The following NUBP1 variants were observed in gnomAD, a reference collection of about 807,000 sequenced individuals.
NUBP1 encodes the protein NUBP iron-sulfur cluster assembly factor 1, cytosolic.
In NUBP1, 46 loss-of-function variants were observed where a neutral mutation model predicts 41.8. The observed-to-expected ratio is 1.10, with a 90% CI of 0.87 to 1.41. The LOEUF (loss-of-function observed/expected upper bound fraction) is 1.41. Among genes scored for constraint, NUBP1 ranks in the 40% most tolerant of loss-of-function variants. NUBP1 has a pLI of 0.00. For missense variants in NUBP1, 494 were observed against 414.0 expected (o/e 1.19, Z -1.68); for synonymous variants, 189 against 154.6 (o/e 1.22, Z -1.65).
intron 3 of NUBP1, among the ~76,000 whole-genome samples, chr16:10,750,893 A>G (rs1900286821): frequency 6.6e-6 from 1 of 152,170 alleles, no homozygotes; most frequent in South Asian, 2.1e-4. Context: ...GCCTCTTCCC[A>G]TCAGCTGCAA....
chr16:10,748,362 C>T (rs1195429002), intron 3 of NUBP1, among the ~76,000 whole-genome samples: 1 of 152,118 alleles, frequency 6.6e-6, no homozygotes, highest in Non-Finnish European at 1.5e-5. Context: ...TTTTTGCTGG[C>T]CCTTACACGA....
At chr16:10,756,206 C>T (rs1022889438) in intron 5 of NUBP1, among the ~76,000 whole-genome samples, 1 of 152,074 alleles carries the variant, frequency 6.6e-6, no homozygotes, top group Admixed American at 6.6e-5. Flanking sequence ...TGGCGAAATC[C>T]CATCTCTACT....
Position 10,766,926 on chromosome 16 carries a change from C to G in NUBP1, c.821-1023C>G, listed in dbSNP as rs1596480260. The G allele has an allele frequency of 2.5e-6, 1 of 398,704 alleles. No individual in the cohort carries two copies. Among genetic ancestry groups the G allele is most frequent in the East Asian group, 3.6e-5 (1 of 28,082 alleles). The allele number at this position is 398,704 out of a possible 1,614,324, so 24.7% of individuals were successfully genotyped here. A position where few individuals can be genotyped will look rare whatever the true frequency, so the allele number is the denominator to read the frequency against. ...CGAATTGGCCTTATGTTCCCTGCCTCTGGACCCTATTTTCCTGACTCACTG... is the reference window on the plus strand; with the variant it reads ...CGAATTGGCCTTATGTTCCCTGCCTGTGGACCCTATTTTCCTGACTCACTG... On this transcript the variant is annotated intron_variant, in intron 9 of 10. Coordinates refer to ENST00000283027, the MANE Select transcript of NUBP1 (RefSeq NM_002484.4). This position sits in a 1 kb window ranked among gnomAD's most constrained non-coding sequence, Gnocchi z 4.8.
Position 10,766,964 on chromosome 16 carries a change from T to TC in NUBP1, c.821-981dup. 2 of 398,646 alleles carry TC rather than the reference T, an allele frequency of 5.0e-6. No homozygotes were observed. Among genetic ancestry groups the TC allele is most frequent in the Non-Finnish European group, 8.8e-6 (2 of 226,110 alleles). The allele number at this position is 398,646 out of a possible 1,614,324, so 24.7% of individuals were successfully genotyped here. A position where few individuals can be genotyped will look rare whatever the true frequency, so the allele number is the denominator to read the frequency against. On this transcript the variant is annotated intron_variant, in intron 9 of 10. Coordinates refer to ENST00000283027, the MANE Select transcript of NUBP1 (RefSeq NM_002484.4). The surrounding 1 kb of genome is among the most constrained non-coding windows in gnomAD (Gnocchi z 4.8). Reference sequence around the variant, plus strand: ...TCCTGACTCACTGGGCCATATGGGCTCCCCATCTCCCACCAACCCCTCCCC... The same window carrying TC: ...TCCTGACTCACTGGGCCATATGGGCTCCCCCATCTCCCACCAACCCCTCCCC...
chr16:10,762,505 A>G (rs1352897105), intron 9 of NUBP1, among the ~76,000 whole-genome samples: 1 of 152,116 alleles, frequency 6.6e-6, no homozygotes, highest in African/African-American at 2.4e-5. Flanking sequence ...CAGGGCCTAC[A>G]CTCGAAGCTG....
chr16:10,761,990 C>T lies in NUBP1; in HGVS notation c.820+131C>T, dbSNP rs2029987598. 5 of 679,918 alleles carry T rather than the reference C, an allele frequency of 7.4e-6. No homozygotes were observed. In the Admixed American group the frequency reaches 1.4e-4, roughly 19 times the overall value. The allele number at this position is 679,918 out of a possible 1,614,324, so 42.1% of individuals were successfully genotyped here. A position where few individuals can be genotyped will look rare whatever the true frequency, so the allele number is the denominator to read the frequency against. On this transcript the variant is annotated intron_variant, in intron 9 of 10. Coordinates refer to ENST00000283027, the MANE Select transcript of NUBP1 (RefSeq NM_002484.4). Reference sequence around the variant, plus strand: ...GGGTCAATGGGGCGCTGGAGCCAGACCCACCCTCCAGCTGGCACCCCAAGA... The same window carrying T: ...GGGTCAATGGGGCGCTGGAGCCAGATCCACCCTCCAGCTGGCACCCCAAGA...
At chr16:10,748,632 C>T (rs1052085331) in intron 3 of NUBP1, among the ~76,000 whole-genome samples, 2 of 152,148 alleles carry the variant, frequency 1.3e-5, no homozygotes, top group Admixed American at 1.3e-4. Context: ...CACAGTAAAG[C>T]ACTTAGCACG....
At chr16:10,750,433 G>A (rs1215722604) in intron 3 of NUBP1, among the ~76,000 whole-genome samples, 1 of 152,024 alleles carries the variant, frequency 6.6e-6, no homozygotes, top group African/African-American at 2.4e-5. Context: ...GTAGAGACAG[G>A]GTTTCACTAT....
Position 10,755,701 on chromosome 16 carries a change from C to G in NUBP1, c.328-20C>G, listed in dbSNP as rs752765216. 6.2e-7 allele frequency: 1 copy of G among 1,612,356 alleles called. No individual in the cohort carries two copies. The highest frequency in any genetic ancestry group is 1.3e-5 in the African/African-American group (1 of 74,894). ...GTACATGATTTCTACTAATGAACAT[C>G]GGTGCTCATGTTCACACAGGTTCAC... On this transcript the variant is annotated intron_variant, in intron 4 of 10. Coordinates refer to ENST00000283027, the MANE Select transcript of NUBP1 (RefSeq NM_002484.4).
chr16:10,747,002 GA>G, intron 2 of NUBP1, 140 bp from the exon 3 acceptor site: 1 of 894,842 alleles, frequency 1.1e-6, no homozygotes, highest in African/African-American at 1.7e-5. Context: ...ACCATTGTCT[GA>G]GAGGTATTTC....
intron 2 of NUBP1, among the ~76,000 whole-genome samples, chr16:10,745,112 C>G (rs1164612182): frequency 6.6e-6 from 1 of 151,620 alleles, no homozygotes; most frequent in Non-Finnish European, 1.5e-5. Flanking sequence ...ATTCTTGGAT[C>G]CATGCGGTGT....
In NUBP1 at chr16:10,747,129, G is replaced by T; in HGVS notation, c.125-14G>T. The T allele has an allele frequency of 1.2e-6, 2 of 1,613,516 alleles. No individual in the cohort carries two copies. The highest frequency in any genetic ancestry group is 1.1e-5 in the South Asian group (1 of 91,040). On this transcript the variant is annotated splice_polypyrimidine_tract_variant and intron_variant, in intron 2 of 10. Transcript: ENST00000283027. ...TGTGGGACCTCATCCCCTGAACTTTGGTTTTCTTTGCAGCTATAGAGGAAA... is the reference window on the plus strand; with the variant it reads ...TGTGGGACCTCATCCCCTGAACTTTTGTTTTCTTTGCAGCTATAGAGGAAA...
chr16:10,761,510 T>G, intron 8 of NUBP1, 36 bp downstream of exon 8: 16 of 1,548,602 alleles, frequency 1.0e-5, no homozygotes, highest in African/African-American at 1.4e-5. Context: ...GAGCAAGATC[T>G]TGCTCTCATG....
chr16:10,766,152 TGCTGAGGATCACAGGAAGG>T lies in NUBP1; in HGVS notation c.821-1792_821-1774del, dbSNP rs1406281470. 1.3e-5 allele frequency: 2 copies of T among 152,398 alleles called. No individual in the cohort carries two copies. Among genetic ancestry groups the T allele is most frequent in the African/African-American group, 4.8e-5 (2 of 41,428 alleles). The allele number at this position is 152,398 out of a possible 1,614,324, so 9.4% of individuals were successfully genotyped here. A position where few individuals can be genotyped will look rare whatever the true frequency, so the allele number is the denominator to read the frequency against. The stretch of plus-strand genomic sequence containing the variant: ...GGTGCTATGGGTCCTGGTCCCGGTG[TGCTGAGGATCACAGGAAGG>T]GCTGGCCTCAGAGCCCTGCTCCGCC... On this transcript the variant is annotated intron_variant, in intron 9 of 10. Transcript: ENST00000283027. This position sits in a 1 kb window ranked among gnomAD's most constrained non-coding sequence, Gnocchi z 4.8.
In NUBP1 at chr16:10,759,187, T is replaced by C. The variant is rs1900772922; in HGVS notation, c.606+1160T>C. ...CGGGCACCAGGGCAGTAAAAAGGCC[T>C]GGCTCTCCCTGGTGGCCCCTGTGGC... is the stretch of plus-strand genomic sequence containing the variant. On this transcript the variant is annotated intron_variant, in intron 7 of 10. Coordinates refer to ENST00000283027, the MANE Select transcript of NUBP1 (RefSeq NM_002484.4). This position sits in a 1 kb window ranked among gnomAD's most constrained non-coding sequence, Gnocchi z 4.7. Among the ~76,000 whole-genome samples the C allele has an allele frequency of 6.6e-6, 1 of 152,204 alleles. No homozygotes were observed. Among genetic ancestry groups the C allele is most frequent in the Non-Finnish European group, 1.5e-5 (1 of 68,026 alleles).
chr16:10,760,977 C>T (rs1171274838), intron 7 of NUBP1: 2 of 191,812 alleles, frequency 1.0e-5, no homozygotes, highest in East Asian at 2.8e-4. Context: ...CCCCAGGAAA[C>T]TTAACAATCA....
At chr16:10,745,044 C>T (rs1319999997) in intron 2 of NUBP1, among the ~76,000 whole-genome samples, 2 of 151,068 alleles carry the variant, frequency 1.3e-5, no homozygotes, top group African/African-American at 4.9e-5. Flanking sequence ...AGGCATGAGC[C>T]ACTGCACCTG....
rs1900807329 is a variant in NUBP1 at position 10,759,686 on chromosome 16, G to A, written c.606+1659G>A. ...AGCTACTTGGGAGGCTGAGGTGGGAGAAGTGCTTGAATCCAGGAGACAGAG... is the reference window on the plus strand; with the variant it reads ...AGCTACTTGGGAGGCTGAGGTGGGAAAAGTGCTTGAATCCAGGAGACAGAG... On this transcript the variant is annotated intron_variant, in intron 7 of 10. Transcript: ENST00000283027. This position sits in a 1 kb window ranked among gnomAD's most constrained non-coding sequence, Gnocchi z 4.7. Among the ~76,000 whole-genome samples, 1 of 152,208 alleles carries A rather than the reference G, an allele frequency of 6.6e-6. No individual in the cohort carries two copies. The highest frequency in any genetic ancestry group is 2.4e-5 in the African/African-American group (1 of 41,460).
intron 3 of NUBP1, among the ~76,000 whole-genome samples, chr16:10,748,642 G>A (rs1239612328): frequency 6.6e-6 from 1 of 152,164 alleles, no homozygotes; most frequent in African/African-American, 2.4e-5. Flanking sequence ...CACTTAGCAC[G>A]GGGCCCGACG....
Sources: gnomAD v4.1 joint callset for allele counts (sites outside exome capture counted in the v4.1 genomes callset) on GRCh38, gnomAD v4.1.1 for gene constraint, Gnocchi (gnomAD v3.1) non-coding constraint, MANE v1.5 for transcripts, NCBI Gene and HGNC (gene_info 2026-07-23, HGNC 2026-07-21) for gene names.